The following VPS13C variants were observed in gnomAD, a reference collection of about 807,000 sequenced individuals.
VPS13C encodes the protein intermembrane lipid transfer protein VPS13C.
Under a neutral mutation model 456.8 loss-of-function variants are expected in VPS13C, and 358 were observed. The observed-to-expected ratio is 0.78, with a 90% CI of 0.72 to 0.86. The LOEUF (loss-of-function observed/expected upper bound fraction) is 0.86, where lower values mean the gene tolerates loss of function less well. Ranked by LOEUF, VPS13C falls within the 40% of genes least tolerant of loss-of-function variation. The pLI is 0.00. For synonymous variants in VPS13C, 1,578 were observed against 1,486.7 expected, an observed-to-expected ratio of 1.06 and a Z score of -1.41; for missense variants, 4,818 against 4,385.4, an observed-to-expected ratio of 1.10 and a Z score of -2.79.
chr15:61,964,284 A>G (rs1285743646), intron 31 of VPS13C, among the ~76,000 whole-genome samples: 1 of 151,992 alleles, frequency 6.6e-6, no homozygotes, highest in Non-Finnish European at 1.5e-5. Context: ...TCCTGATCCA[A>G]AATCTGGGCT....
chr15:61,915,317 T>A (rs1014444875), intron 61 of VPS13C, among the ~76,000 whole-genome samples: 1 of 152,176 alleles, frequency 6.6e-6, no homozygotes, highest in Non-Finnish European at 1.5e-5. Flanking sequence ...AATGGTTACA[T>A]CTTTAGAAAT....
At chr15:61,998,458 G>C (rs1411296351) in intron 16 of VPS13C, among the ~76,000 whole-genome samples, 1 of 152,168 alleles carries the variant, frequency 6.6e-6, no homozygotes, top group African/African-American at 2.4e-5. Flanking sequence ...CACGTGTTTA[G>C]TAACTGCTAT....
In VPS13C at chr15:61,946,334, A is replaced by C; in HGVS notation, c.4953T>G (p.Asn1651Lys). The change falls in exon 44 of 85, where the codon AAT (asparagine) becomes AAG (lysine). Residue 1651 changes from asparagine (N) to lysine (K), a missense_variant. By Grantham distance (94) the Asn-to-Lys change is moderately conservative. Around this residue, in one of 3 missense-constraint regions of VPS13C, gnomAD observed 4,552 missense variants for 4,130.6 expected, o/e 1.10. Coordinates refer to ENST00000644861, the MANE Select transcript of VPS13C (RefSeq NM_020821.3). ...FARLKDIIVMNVDLQSIHKKA... is the reference protein window; with the variant it reads ...FARLKDIIVMKVDLQSIHKKA... ...TTTTGTGAATGGACTGCAAATCTAC[A>C]TTCATAACTATAATATCTTTAAGTC... The C allele has an allele frequency of 6.2e-7, 1 of 1,602,990 alleles. No individual in the cohort carries two copies. Among genetic ancestry groups the C allele is most frequent in the Non-Finnish European group, 8.5e-7 (1 of 1,176,286 alleles).
At chr15:62,041,418 C>G (rs1426768829) in intron 2 of VPS13C, 52 bp from the exon 3 acceptor site, 1 of 1,537,928 alleles carries the variant, frequency 6.5e-7, no homozygotes, top group East Asian at 2.3e-5. Context: ...GAAGCCAACC[C>G]AAAAATCACT....
intron 79 of VPS13C, among the ~76,000 whole-genome samples, chr15:61,870,276 C>T (rs1400646708): frequency 6.6e-6 from 1 of 152,030 alleles, no homozygotes; most frequent in Non-Finnish European, 1.5e-5. Flanking sequence ...TACCTCCATT[C>T]CTCCCTGCCC....
At chr15:61,949,832 A>C (rs1438758603) in intron 41 of VPS13C, among the ~76,000 whole-genome samples, 3 of 152,200 alleles carry the variant, frequency 2.0e-5, no homozygotes, top group African/African-American at 4.8e-5. Context: ...AACTCAAAAG[A>C]ACTGGATGAG....
chr15:62,053,167 A>G (rs1472212410), intron 1 of VPS13C, among the ~76,000 whole-genome samples: 1 of 152,196 alleles, frequency 6.6e-6, no homozygotes, highest in African/African-American at 2.4e-5. Flanking sequence ...TTACTTTTAT[A>G]TGCCATAGGA....
In VPS13C at chr15:61,915,904, C is replaced by G; in HGVS notation, c.8174G>C (p.Gly2725Ala). Residue 2725 changes from glycine (G) to alanine (A), a missense_variant, in exon 61 of 85, where the codon GGA becomes GCA. Gly to Ala is a moderately conservative substitution (Grantham distance 60). This residue lies in a region of VPS13C where 4,552 missense variants were observed against 4,130.6 expected (regional missense o/e 1.10). Coordinates refer to ENST00000644861, the MANE Select transcript of VPS13C (RefSeq NM_020821.3). ...TAGTGTATCACGTATGCGGAAATGT[C>G]CATTCCAGTTTTTGCCCTGGTATTT... Reference protein sequence around the residue: ...LVKYQGKNWNGHFRIRDTLPE... With the variant: ...LVKYQGKNWNAHFRIRDTLPE... 2.5e-6 allele frequency: 4 copies of G among 1,613,912 alleles called. No individual in the cohort carries two copies. Among genetic ancestry groups the G allele is most frequent in the Non-Finnish European group, 3.4e-6 (4 of 1,180,004 alleles).
rs1893725832 is a variant in VPS13C at position 61,853,018 on chromosome 15, G to C, written c.*1439C>G. Reference sequence around the variant, plus strand: ...TAAATGTTGTTATGTTAAACATTATGAGCAAATCTAAAGGTTCAACCAAAA... The same window carrying C: ...TAAATGTTGTTATGTTAAACATTATCAGCAAATCTAAAGGTTCAACCAAAA... On this transcript the variant is annotated 3_prime_UTR_variant, in exon 85 of 85. Coordinates refer to ENST00000644861, the MANE Select transcript of VPS13C (RefSeq NM_020821.3). 1 of 152,052 alleles carries C rather than the reference G, an allele frequency of 6.6e-6. No individual in the cohort carries two copies. Among genetic ancestry groups the C allele is most frequent in the Non-Finnish European group, 1.5e-5 (1 of 67,998 alleles). 9.4% of individuals were successfully genotyped at this position (152,052 alleles called of 1,614,324 possible).
rs1190884728 is a variant in VPS13C, at chr15:61,858,656, G to A, written c.10953-2247C>T. Among the ~76,000 whole-genome samples the A allele has an allele frequency of 6.6e-6, 1 of 152,164 alleles. No homozygotes were observed. The highest frequency in any genetic ancestry group is 6.5e-5 in the Admixed American group (1 of 15,276). ...ACTCTGAGCAAAAATAGTTTATGTA[G>A]GTGGGCCTGACCTAAGTTCATGGAC... On this transcript the variant is annotated intron_variant, in intron 82 of 84. Coordinates refer to ENST00000644861, the MANE Select transcript of VPS13C (RefSeq NM_020821.3). The surrounding 1 kb of genome is among the most constrained non-coding windows in gnomAD (Gnocchi z 4.4).
At chr15:61,879,522 G>A (rs1160759730) in intron 73 of VPS13C, 1 of 152,010 alleles carries the variant, frequency 6.6e-6, no homozygotes, top group Admixed American at 6.6e-5. Context: ...CTTCCCTAGG[G>A]CAATGTTACT....
At chr15:61,952,018 C>A in intron 38 of VPS13C, 38 bp from the exon 39 acceptor site, 1 of 1,593,804 alleles carries the variant, frequency 6.3e-7, no homozygotes. Context: ...AACTATTTCA[C>A]CAATATGCAA....
chr15:61,880,650 T>C lies in VPS13C; in HGVS notation c.9961A>G (p.Ile3321Val), dbSNP rs371668354. 4.4e-6 allele frequency: 7 copies of C among 1,599,026 alleles called. No homozygotes were observed. The highest frequency in any genetic ancestry group is 5.1e-6 in the Non-Finnish European group (6 of 1,173,936). The change falls in exon 73 of 85, where the codon ATT becomes GTT. Residue 3321 changes from isoleucine to valine, a missense_variant. Physicochemically the swap from Ile to Val is conservative, Grantham distance 29. Transcript: ENST00000644861. ...LMETSMTDMS[I>V]LSFFEHFHIS... Reference sequence around the variant, plus strand: ...TGGAAATGTTCAAAGAAACTAAGAATTGACATATCAGTCATTGAAGTCTCC... The same window carrying C: ...TGGAAATGTTCAAAGAAACTAAGAACTGACATATCAGTCATTGAAGTCTCC...
rs145623297 is a variant in VPS13C, at chr15:61,867,106, G to A, written c.10863+1553C>T. Reference sequence around the variant, plus strand: ...CTCTCTAAGGATTTAAAAGCAAAAGGTTGGTTTTTGAAAATAAAGAAATCT... The same window carrying A: ...CTCTCTAAGGATTTAAAAGCAAAAGATTGGTTTTTGAAAATAAAGAAATCT... On this transcript the variant is annotated intron_variant, in intron 81 of 84. Coordinates refer to ENST00000644861, the MANE Select transcript of VPS13C (RefSeq NM_020821.3). This position sits in a 1 kb window ranked among gnomAD's most constrained non-coding sequence, Gnocchi z 5.0. The A allele has an allele frequency of 1.6e-4, 158 of 964,582 alleles. No homozygotes were observed. In the East Asian group the frequency reaches 0.014, roughly 86 times the overall value. The allele number at this position is 964,582 out of a possible 1,614,324, so 59.8% of individuals were successfully genotyped here. A position where few individuals can be genotyped will look rare whatever the true frequency, so the allele number is the denominator to read the frequency against.
At chr15:61,903,295 C>T (rs1050184078) in intron 66 of VPS13C, among the ~76,000 whole-genome samples, 4 of 151,508 alleles carry the variant, frequency 2.6e-5, no homozygotes, top group Admixed American at 2.6e-4. Context: ...ATGATCACAC[C>T]ACTGCACTCC....
At chr15:61,972,963 C>T (rs774352975) in intron 26 of VPS13C, among the ~76,000 whole-genome samples, 199 bp from the exon 27 acceptor site, 2 of 152,150 alleles carry the variant, frequency 1.3e-5, no homozygotes, top group Non-Finnish European at 2.9e-5. Flanking sequence ...AATCAAATAG[C>T]ACTATGTTCT....
intron 30 of VPS13C, 69 bp from the exon 31 acceptor site, chr15:61,964,930 C>A (rs1171987650): frequency 1.4e-6 from 2 of 1,420,196 alleles, no homozygotes; most frequent in Admixed American, 2.3e-5. Flanking sequence ...CACGACAGAC[C>A]CAAAAGATTC....
At chr15:61,955,360 A>C (rs2044951768) in intron 37 of VPS13C, among the ~76,000 whole-genome samples, 1 of 152,150 alleles carries the variant, frequency 6.6e-6, no homozygotes, top group Non-Finnish European at 1.5e-5. Flanking sequence ...GCAGAGCCCA[A>C]ATTCAGCAGT....
chr15:62,056,116 T>C (rs569032499), intron 1 of VPS13C, among the ~76,000 whole-genome samples: 11 of 152,274 alleles, frequency 7.2e-5, no homozygotes, highest in East Asian at 1.9e-4. Flanking sequence ...AGTTTATCAA[T>C]TGATTCCAAA....
Sources: gnomAD v4.1 joint callset for allele counts (sites outside exome capture counted in the v4.1 genomes callset) on GRCh38, gnomAD v4.1.1 for gene constraint, gnomAD v4.1.1 regional missense constraint, Gnocchi (gnomAD v3.1) non-coding constraint, MANE v1.5 for transcripts, NCBI Gene and HGNC (gene_info 2026-07-23, HGNC 2026-07-21) for gene names.